Variants in QSOX1 observed in about 807,000 individuals in gnomAD.
QSOX1 encodes the protein sulfhydryl oxidase 1.
In QSOX1, 40 loss-of-function variants were observed where a neutral mutation model predicts 76.1. The ratio of observed to expected loss-of-function variants is 0.53; its 90% confidence interval spans 0.41 to 0.68. The LOEUF is 0.68. Ranked by LOEUF, QSOX1 falls within the 30% of genes least tolerant of loss-of-function variation. QSOX1 has a pLI of 0.00. For synonymous variants in QSOX1, 392 were observed against 413.1 expected (o/e 0.95, Z 0.62); for missense variants, 931 against 974.3 (o/e 0.96, Z 0.59).
chr1:180,189,589 A>C lies in QSOX1; in HGVS notation c.1055A>C (p.His352Pro). 6.2e-7 allele frequency: 1 copy of C among 1,613,370 alleles called. No individual in the cohort carries two copies. The highest frequency in any genetic ancestry group is 1.3e-5 in the African/African-American group (1 of 74,872). ...PGRPLVQNFL[H>P]SVNEWLKRQK... ...CGGCCCTTAGTCCAGAACTTCCTGC[A>C]CTCCGTGAATGAATGGCTCAAGAGG... Residue 352 changes from histidine (H) to proline (P), a missense_variant, in exon 9 of 12, where the codon CAC (histidine) becomes CCC (proline). Transcript: ENST00000367602.
chr1:180,194,158 G>T, intron 10 of QSOX1, 55 bp from the exon 11 acceptor site: 3 of 1,532,712 alleles, frequency 2.0e-6, no homozygotes, highest in Non-Finnish European at 2.7e-6. Flanking sequence ...GGAGGCAACG[G>T]CTGTGGGGCT....
At position 180,166,151 on chromosome 1, in the gene QSOX1, G is replaced by A. The variant is rs2298205; in HGVS notation, c.266-340G>A. The stretch of plus-strand genomic sequence containing the variant: ...ATACCAGGGCTTTTCCTGGGGGGTG[G>A]GGGGCTGGGGGGATGGCGAGGAGCA... On this transcript the variant is annotated intron_variant, in intron 1 of 11. Coordinates refer to ENST00000367602, the MANE Select transcript of QSOX1 (RefSeq NM_002826.5). 0.023 allele frequency among the ~76,000 whole-genome samples: 3,437 copies of A among 152,214 alleles called. 191 individuals carry two copies. The East Asian group carries it at 0.23, about 10-fold the overall frequency.
intron 8 of QSOX1, 149 bp downstream of exon 8, chr1:180,186,331 A>G: frequency 1.8e-6 from 2 of 1,112,978 alleles, no homozygotes; most frequent in East Asian, 5.1e-5. Context: ...TGTCCACCAT[A>G]GGTGATACCC....
In QSOX1 at chr1:180,180,760, C is replaced by T. The variant is rs1014857832; in HGVS notation, c.607-1414C>T. On this transcript the variant is annotated intron_variant, in intron 5 of 11. Transcript: ENST00000367602. The stretch of plus-strand genomic sequence containing the variant: ...TTGATCTCCTGACCTTGTGATCTGA[C>T]CACCTTGGCCTCCCAAAATGCTGGA... Among the ~76,000 whole-genome samples, 11 of 152,186 alleles carry T rather than the reference C, an allele frequency of 7.2e-5. No homozygotes were observed. In the East Asian group the frequency reaches 1.9e-3, roughly 27 times the overall value.
chr1:180,180,654 A>G (rs1163026656), intron 5 of QSOX1, among the ~76,000 whole-genome samples: 1 of 152,222 alleles, frequency 6.6e-6, no homozygotes, highest in Non-Finnish European at 1.5e-5. Flanking sequence ...AGCTGGGACT[A>G]CAGGCGCCCG....
intron 9 of QSOX1, 80 bp from the exon 10 acceptor site, chr1:180,190,353 T>A: frequency 6.8e-7 from 1 of 1,477,900 alleles, no homozygotes; most frequent in African/African-American, 1.4e-5. Context: ...GTCTTAGGGC[T>A]GTCTCCTAGA....
At chr1:180,176,930 C>T (rs1289490238) in intron 4 of QSOX1, among the ~76,000 whole-genome samples, 1 of 152,180 alleles carries the variant, frequency 6.6e-6, no homozygotes, top group Non-Finnish European at 1.5e-5. Context: ...ATTGTGTTTC[C>T]AAGTGTCAGT....
In QSOX1 at chr1:180,200,337, G is replaced by A. The variant is rs1663609968; in HGVS notation, c.*3300G>A. On this transcript the variant is annotated 3_prime_UTR_variant, in exon 12 of 12. Coordinates refer to ENST00000367602, the MANE Select transcript of QSOX1 (RefSeq NM_002826.5). Reference sequence around the variant, plus strand: ...GTCTTGATACCTGAAAACTCAAGGGGCCCTGTTGTGCTTGGAGGGGGGTGC... The same window carrying A: ...GTCTTGATACCTGAAAACTCAAGGGACCCTGTTGTGCTTGGAGGGGGGTGC... 1 of 152,194 alleles carries A rather than the reference G, an allele frequency of 6.6e-6. No homozygotes were observed. Among genetic ancestry groups the A allele is most frequent in the Admixed American group, 6.5e-5 (1 of 15,282 alleles). 9.4% of individuals were successfully genotyped at this position (152,194 alleles called of 1,614,324 possible).
chr1:180,177,462 C>G (rs553311643), intron 4 of QSOX1, among the ~76,000 whole-genome samples: 2 of 152,110 alleles, frequency 1.3e-5, no homozygotes, highest in African/African-American at 4.8e-5. Flanking sequence ...ACCATGTTGC[C>G]CAGGGTGGTC....
Position 180,196,409 on chromosome 1 carries a change from A to G in QSOX1, c.1616A>G (p.Asn539Ser), listed in dbSNP as rs1485411368. 1 of 1,614,000 alleles carries G rather than the reference A, an allele frequency of 6.2e-7. No homozygotes were observed. The highest frequency in any genetic ancestry group is 8.5e-7 in the Non-Finnish European group (1 of 1,180,024). Reference protein sequence around the residue: ...NFLKAHFSPSNIILDFPAAGS... With the variant: ...NFLKAHFSPSSIILDFPAAGS... ...CTCAAGGCCCACTTCTCCCCAAGCA[A>G]CATCATCCTGGACTTCCCTGCAGCT... The change falls in exon 12 of 12, where the codon AAC becomes AGC. Residue 539 changes from asparagine (N) to serine (S), a missense_variant. Physicochemically the swap from Asn to Ser is conservative, Grantham distance 46 (BLOSUM62 1). Coordinates refer to ENST00000367602, the MANE Select transcript of QSOX1 (RefSeq NM_002826.5). The surrounding 1 kb of genome is among the most constrained non-coding windows in gnomAD (Gnocchi z 4.1).
chr1:180,169,457 G>C (rs1029971166), intron 2 of QSOX1, among the ~76,000 whole-genome samples: 1 of 152,208 alleles, frequency 6.6e-6, no homozygotes, highest in Non-Finnish European at 1.5e-5. Flanking sequence ...ACTGTGTGTG[G>C]CTTGGAAAGT....
chr1:180,170,651 A>G (rs1662739734), intron 2 of QSOX1, among the ~76,000 whole-genome samples: 1 of 152,210 alleles, frequency 6.6e-6, no homozygotes, highest in African/African-American at 2.4e-5. Flanking sequence ...ACACACTCCC[A>G]GAGTCTTAAT....
chr1:180,175,877 G>A (rs777266785), intron 3 of QSOX1, 54 bp from the exon 4 acceptor site: 184 of 1,416,224 alleles, frequency 1.3e-4, no homozygotes, highest in Non-Finnish European at 1.8e-4. Context: ...CCAGTGTGCT[G>A]TGGAAGCAGC....
Position 180,155,054 on chromosome 1 carries a change from G to T in QSOX1, c.147G>T (p.Thr49=). Residue 49 remains threonine, a synonymous_variant, in exon 1 of 12, where the codon ACG becomes ACT. Transcript: ENST00000367602. Reference sequence around the variant, plus strand: ...CGCTGACGCTGCTGCAGGCGGACACGGTGCGCGGCGCGGTGCTGGGCTCCC... The same window carrying T: ...CGCTGACGCTGCTGCAGGCGGACACTGTGCGCGGCGCGGTGCTGGGCTCCC... ...SDPLTLLQAD[T]VRGAVLGSRS... 3 of 1,512,988 alleles carry T rather than the reference G, an allele frequency of 2.0e-6. No individual in the cohort carries two copies. The highest frequency in any genetic ancestry group is 1.2e-5 in the South Asian group (1 of 81,712). The allele number at this position is 1,512,988 out of a possible 1,614,324, so 93.7% of individuals were successfully genotyped here.
intron 1 of QSOX1, among the ~76,000 whole-genome samples, chr1:180,155,915 G>T (rs1412197130): frequency 6.6e-6 from 1 of 152,092 alleles, no homozygotes; most frequent in East Asian, 1.9e-4. Flanking sequence ...CCCAATCCCT[G>T]GTTGGGGCAC....
At chr1:180,175,293 T>C in intron 2 of QSOX1, 28 bp from the exon 3 acceptor site, 1 of 1,613,298 alleles carries the variant, frequency 6.2e-7, no homozygotes, top group Non-Finnish European at 8.5e-7. Context: ...TATCTATTAC[T>C]GATGCCCACC....
rs771979924 is a variant in QSOX1, at chr1:180,178,842, G to A, written c.564G>A (p.Leu188=). The change falls in exon 5 of 12, where the codon CTG becomes CTA. Residue 188 remains leucine, a synonymous_variant. Transcript: ENST00000367602. ...TTGCGAGAAATAACGAAGAGTACCTGGCTCTGATCTTTGAAAAGGGAGGCT... is the reference window on the plus strand; with the variant it reads ...TTGCGAGAAATAACGAAGAGTACCTAGCTCTGATCTTTGAAAAGGGAGGCT... ...GFFARNNEEY[L]ALIFEKGGSY... 2 of 1,614,030 alleles carry A rather than the reference G, an allele frequency of 1.2e-6. No individual in the cohort carries two copies. The highest frequency in any genetic ancestry group is 2.2e-5 in the South Asian group (2 of 91,086).
chr1:180,162,517 C>T (rs1662514666), intron 1 of QSOX1, among the ~76,000 whole-genome samples: 1 of 152,118 alleles, frequency 6.6e-6, no homozygotes, highest in African/African-American at 2.4e-5. Flanking sequence ...AGGAGGATAC[C>T]TTGAGCCTAG....
At chr1:180,184,315 C>T (rs1663116525) in intron 7 of QSOX1, among the ~76,000 whole-genome samples, 1 of 152,210 alleles carries the variant, frequency 6.6e-6, no homozygotes, top group South Asian at 2.1e-4. Context: ...GCCCACGCTC[C>T]TTCAGCTTAA....
Sources: allele counts gnomAD v4.1 joint callset (sites outside exome capture counted in the v4.1 genomes callset), GRCh38; gene constraint gnomAD v4.1.1; non-coding constraint Gnocchi (gnomAD v3.1); transcripts MANE v1.5; gene names NCBI Gene and HGNC (gene_info 2026-07-23, HGNC 2026-07-21).